The following PTPRN2 variants were observed in gnomAD, a reference collection of about 807,000 sequenced individuals.
PTPRN2 encodes the protein receptor-type tyrosine-protein phosphatase N2.
In PTPRN2, 74 loss-of-function variants were observed where a neutral mutation model predicts 118.8. The ratio of observed to expected loss-of-function variants is 0.62; its 90% CI spans 0.52 to 0.76. The LOEUF (loss-of-function observed/expected upper bound fraction) is 0.76, where lower values mean the gene tolerates loss of function less well. PTPRN2 is among the 30% of genes least tolerant of loss of function. The pLI is 0.00. For missense variants in PTPRN2, 1,481 were observed against 1,394.4 expected (o/e 1.06, Z -0.99); for synonymous variants, 641 against 608.0 (o/e 1.05, Z -0.80).
chr7:157,614,670 G>A lies in PTPRN2; in HGVS notation c.2344+6692C>T, dbSNP rs375306097. On this transcript the variant is annotated intron_variant, in intron 15 of 22. Coordinates refer to ENST00000389418, the MANE Select transcript of PTPRN2 (RefSeq NM_002847.5). ...TGACGACCCCAACCCCCAGGACTGC[G>A]GAGTGTGGCCATGTTTGGAGACAGG... 7.9e-5 allele frequency among the ~76,000 whole-genome samples: 12 copies of A among 152,300 alleles called. No homozygotes were observed. In the East Asian group the frequency reaches 9.7e-4, roughly 12 times the overall value.
intron 11 of PTPRN2, among the ~76,000 whole-genome samples, chr7:157,919,772 T>C (rs1454757008): frequency 6.6e-6 from 1 of 152,238 alleles, no homozygotes; most frequent in Admixed American, 6.5e-5. Flanking sequence ...TTTATAGTCA[T>C]GCACCACGTA....
At chr7:158,415,878 T>C (rs1814614569) in intron 2 of PTPRN2, among the ~76,000 whole-genome samples, 1 of 152,210 alleles carries the variant, frequency 6.6e-6, no homozygotes, top group South Asian at 2.1e-4. Flanking sequence ...GGATTTTCAA[T>C]ACCAGAGCAT....
intron 12 of PTPRN2, among the ~76,000 whole-genome samples, chr7:157,840,426 G>T: frequency 6.6e-6 from 1 of 150,872 alleles, no homozygotes; most frequent in African/African-American, 2.4e-5. Context: ...GACTGTGTGT[G>T]ACTGTGTGAC....
At chr7:158,316,775 G>C in intron 3 of PTPRN2, 44 bp downstream of exon 3, 1 of 1,441,802 alleles carries the variant, frequency 6.9e-7, no homozygotes, top group Non-Finnish European at 9.4e-7. Flanking sequence ...CCGTGCGGTC[G>C]CTCAGTGCGG....
At chr7:158,257,789 G>A (rs1204737835) in intron 3 of PTPRN2, among the ~76,000 whole-genome samples, 2 of 152,260 alleles carry the variant, frequency 1.3e-5, no homozygotes, top group Non-Finnish European at 2.9e-5. Context: ...AGAATCACAG[G>A]GATGGCGTGC....
Position 157,578,139 on chromosome 7 carries a change from A to T in PTPRN2, c.2498T>A (p.Met833Lys), listed in dbSNP as rs1414644311. Residue 833 changes from methionine (M) to lysine (K), a missense_variant and splice_region_variant, in exon 18 of 23, where the codon ATG (methionine) becomes AAG (lysine). Around this residue, in one of 3 missense-constraint regions of PTPRN2, gnomAD observed 362 missense variants for 384.1 expected, o/e 0.94. Transcript: ENST00000389418. Reference protein sequence around the residue: ...LPATVADFWQMVWESGCVVIV... With the variant: ...LPATVADFWQKVWESGCVVIV... Reference sequence around the variant, plus strand: ...CACCACGCAGCCGCTCTCCCACACCATCTGCGGACAAAGAAGGCCCGTGGC... The same window carrying T: ...CACCACGCAGCCGCTCTCCCACACCTTCTGCGGACAAAGAAGGCCCGTGGC... The T allele has an allele frequency of 6.2e-7, 1 of 1,607,010 alleles. No homozygotes were observed. The highest frequency in any genetic ancestry group is 8.5e-7 in the Non-Finnish European group (1 of 1,175,672).
chr7:157,724,090 G>A (rs1799394384), intron 12 of PTPRN2, among the ~76,000 whole-genome samples: 1 of 152,006 alleles, frequency 6.6e-6, no homozygotes, highest in Admixed American at 6.6e-5. Flanking sequence ...GAAGTGTGCT[G>A]GTGTGGGTGG....
chr7:157,741,145 G>A (rs961501420), intron 12 of PTPRN2, among the ~76,000 whole-genome samples: 8 of 152,180 alleles, frequency 5.3e-5, no homozygotes, highest in Admixed American at 2.6e-4. Flanking sequence ...GCTCCATGAC[G>A]GCAAAGGCCC....
At chr7:158,256,570 G>A (rs540498282) in intron 3 of PTPRN2, among the ~76,000 whole-genome samples, 1 of 152,248 alleles carries the variant, frequency 6.6e-6, no homozygotes, top group East Asian at 1.9e-4. Flanking sequence ...GGAGACAGAA[G>A]CTGGCGGGGG....
rs148109927 is a variant in PTPRN2, at chr7:157,953,923, G to A, written c.1724-55186C>T. On this transcript the variant is annotated intron_variant, in intron 11 of 22. Transcript: ENST00000389418. This position sits in a 1 kb window ranked among gnomAD's most constrained non-coding sequence, Gnocchi z 4.6. ...TTCCCTCACCATGGAATGCACAAAC[G>A]CTTGAAGATGCATGTGTGTTAGAGT... is the stretch of plus-strand genomic sequence containing the variant. Among the ~76,000 whole-genome samples, 689 of 152,284 alleles carry A rather than the reference G, an allele frequency of 4.5e-3. 7 individuals carry two copies. The highest frequency in any genetic ancestry group is 0.016 in the African/African-American group (658 of 41,558).
chr7:158,246,919 G>A (rs4909054), intron 3 of PTPRN2, among the ~76,000 whole-genome samples: 88,031 of 152,054 alleles, frequency 0.58, 25,907 homozygotes, highest in Non-Finnish European at 0.64. Flanking sequence ...CCAGGAATGC[G>A]CGGCCTGTTG....
chr7:157,982,584 G>T (rs113970671), intron 11 of PTPRN2, among the ~76,000 whole-genome samples: 5,078 of 121,204 alleles, frequency 0.042, 231 homozygotes, highest in South Asian at 0.12. Flanking sequence ...TCATAGAGAC[G>T]AGTAGGGGAA....
At chr7:157,771,388 C>T (rs1367640455) in intron 12 of PTPRN2, among the ~76,000 whole-genome samples, 25 of 152,244 alleles carry the variant, frequency 1.6e-4, no homozygotes, top group Admixed American at 1.4e-3. Context: ...CATTCCCTGT[C>T]TCCATCTCTG....
intron 5 of PTPRN2, among the ~76,000 whole-genome samples, chr7:158,171,314 T>C (rs868598320): frequency 0.052 from 5,147 of 98,152 alleles, 669 homozygotes; most frequent in African/African-American, 0.062. Flanking sequence ...CACACATATA[T>C]ATATATATAT....
chr7:158,262,561 A>ACACACACATTCACACACAG (rs1797519611), intron 3 of PTPRN2, among the ~76,000 whole-genome samples: 3 of 126,984 alleles, frequency 2.4e-5, no homozygotes, highest in Non-Finnish European at 5.0e-5. Flanking sequence ...TGCACACACT[A>ACACACACATTCACACACAG]CACACACATT....
At chr7:158,402,388 T>A (rs943269363) in intron 2 of PTPRN2, among the ~76,000 whole-genome samples, 1 of 151,948 alleles carries the variant, frequency 6.6e-6, no homozygotes, top group African/African-American at 2.4e-5. Context: ...TCACCTTGAC[T>A]CTCGGAGGTG....
chr7:158,009,445 T>A (rs1805887507), intron 11 of PTPRN2, among the ~76,000 whole-genome samples: 1 of 152,084 alleles, frequency 6.6e-6, no homozygotes, highest in African/African-American at 2.4e-5. Context: ...CGATTCAGCA[T>A]GTACAAGCAG....
intron 11 of PTPRN2, among the ~76,000 whole-genome samples, chr7:158,055,938 G>A (rs1315760594): frequency 1.3e-5 from 2 of 152,174 alleles, no homozygotes; most frequent in Non-Finnish European, 2.9e-5. Flanking sequence ...AAAACCCACT[G>A]ACCCTGTGGG....
At chr7:158,504,926 A>G (rs1822635829) in intron 1 of PTPRN2, among the ~76,000 whole-genome samples, 1 of 152,236 alleles carries the variant, frequency 6.6e-6, no homozygotes, top group South Asian at 2.1e-4. Context: ...TAGATATTTT[A>G]AAGGTATATA....
Sources: gnomAD v4.1 joint callset for allele counts (sites outside exome capture counted in the v4.1 genomes callset) on GRCh38, gnomAD v4.1.1 for gene constraint, gnomAD v4.1.1 regional missense constraint, Gnocchi (gnomAD v3.1) non-coding constraint, MANE v1.5 for transcripts, NCBI Gene and HGNC (gene_info 2026-07-23, HGNC 2026-07-21) for gene names.